Variants in PCDHA6 observed in about 807,000 individuals in gnomAD.
PCDHA6 encodes the protein protocadherin alpha 6.
Under a neutral mutation model 60.3 loss-of-function variants are expected in PCDHA6, and 55 were observed. That is an observed-to-expected ratio of 0.91 (90% CI 0.73 to 1.14). The LOEUF is 1.14. Ranked by LOEUF, PCDHA6 falls within the 50% of genes most tolerant of loss-of-function variation. PCDHA6 has a pLI of 0.00. For missense variants in PCDHA6, 1,327 were observed against 1,256.5 expected (o/e 1.06, Z -0.85); for synonymous variants, 652 against 557.9 (o/e 1.17, Z -2.38).
intron 1 of PCDHA6, among the ~76,000 whole-genome samples, chr5:140,920,731 C>G (rs2079790420): frequency 6.6e-6 from 1 of 151,924 alleles, no homozygotes; most frequent in African/African-American, 2.4e-5. Flanking sequence ...GCAGTCCCAG[C>G]TACTCAGGAG....
intron 1 of PCDHA6, among the ~76,000 whole-genome samples, chr5:140,881,170 T>C (rs1442098863): frequency 1.3e-5 from 2 of 152,246 alleles, no homozygotes; most frequent in Non-Finnish European, 1.5e-5. Flanking sequence ...CCTCTTCCTC[T>C]TTTCCTTGCT....
chr5:140,860,413 C>T (rs2046383451), intron 1 of PCDHA6: 1 of 152,018 alleles, frequency 6.6e-6, no homozygotes, highest in African/African-American at 2.4e-5. Context: ...AATAGTAACA[C>T]CATTATCCTG....
At chr5:140,890,902 G>A (rs781819787) in intron 1 of PCDHA6, among the ~76,000 whole-genome samples, 16 of 152,080 alleles carry the variant, frequency 1.1e-4, no homozygotes, top group Non-Finnish European at 1.5e-4. Context: ...GTCTTTCCAT[G>A]TTAGAATAAT....
chr5:140,968,083 G>A (rs1298667830), intron 1 of PCDHA6: 1 of 1,614,006 alleles, frequency 6.2e-7, no homozygotes, highest in Non-Finnish European at 8.5e-7. Flanking sequence ...ACATCACGGT[G>A]ACAGCCACAG....
rs782109045 is a variant in PCDHA6 at position 140,856,427 on chromosome 5, G to C, written c.2394+25942G>C. ...GGACGTGGAAGTGAAGGACATTAAC[G>C]ACAACCCGCCCAGGTTCTCCGTAAC... On this transcript the variant is annotated intron_variant, in intron 1 of 3. Transcript: ENST00000529310. 9 of 1,598,364 alleles carry C rather than the reference G, an allele frequency of 5.6e-6. 1 individual carries two copies. Among genetic ancestry groups the C allele is most frequent in the South Asian group, 1.1e-5 (1 of 90,520 alleles).
chr5:140,882,303 G>A, intron 1 of PCDHA6: 1 of 1,613,824 alleles, frequency 6.2e-7, no homozygotes. Context: ...CCAAGACCGC[G>A]GCAACTACTG....
chr5:140,859,869 C>T (rs2046062813), intron 1 of PCDHA6: 1 of 151,680 alleles, frequency 6.6e-6, no homozygotes, highest in South Asian at 2.1e-4. Flanking sequence ...TATATACTTC[C>T]CCCTCTGATA....
intron 1 of PCDHA6, chr5:140,929,690 C>T (rs921103809): frequency 1.4e-5 from 4 of 278,364 alleles, no homozygotes; most frequent in Non-Finnish European, 2.8e-5. Context: ...TAAGAGTCTG[C>T]TTTATATGAA....
chr5:140,898,147 C>T (rs2066556304), intron 1 of PCDHA6, among the ~76,000 whole-genome samples: 1 of 152,150 alleles, frequency 6.6e-6, no homozygotes, highest in African/African-American at 2.4e-5. Flanking sequence ...GTTGCCTGTT[C>T]ACGCTGATGG....
intron 1 of PCDHA6, chr5:140,852,024 C>T (rs1554145640): frequency 4.2e-6 from 4 of 949,416 alleles, no homozygotes; most frequent in East Asian, 1.1e-4. Flanking sequence ...TTAAAAACTT[C>T]GCTTATTGAG....
chr5:140,989,533 T>A (rs114286041), intron 3 of PCDHA6, among the ~76,000 whole-genome samples: 1 of 152,158 alleles, frequency 6.6e-6, no homozygotes, highest in Non-Finnish European at 1.5e-5. Context: ...AGGAGGAAGA[T>A]AGTTTGTAAT....
rs1299699078 is a variant in PCDHA6 at position 140,843,118 on chromosome 5, C to G, written c.2394+12633C>G. 1.7e-5 allele frequency: 27 copies of G among 1,595,720 alleles called. 3 individuals carry two copies. Among genetic ancestry groups the G allele is most frequent in the African/African-American group, 4.0e-5 (3 of 74,428 alleles). The stretch of plus-strand genomic sequence containing the variant: ...TAGCGAAGGTGCGCGCAGTGGACGC[C>G]GACTCGGGCTACAACGCGTGGCTTT... On this transcript the variant is annotated intron_variant, in intron 1 of 3. Transcript: ENST00000529310.
chr5:140,876,250 A>C (rs782111802), intron 1 of PCDHA6: 1 of 1,614,046 alleles, frequency 6.2e-7, no homozygotes. Context: ...AAACGACACA[A>C]GAGTGATCCA....
At chr5:140,896,599 A>G (rs1247154870) in intron 1 of PCDHA6, among the ~76,000 whole-genome samples, 1 of 151,478 alleles carries the variant, frequency 6.6e-6, no homozygotes, top group African/African-American at 2.4e-5. Context: ...CTGGTCTCGA[A>G]CTCCTGGTCT....
At chr5:140,870,014 A>G (rs782103858) in intron 1 of PCDHA6, 3 of 1,613,612 alleles carry the variant, frequency 1.9e-6, no homozygotes, top group Non-Finnish European at 2.5e-6. Flanking sequence ...GTGAGGGTCA[A>G]TGGAACTTTA....
intron 1 of PCDHA6, among the ~76,000 whole-genome samples, chr5:140,973,030 C>G (rs1274875201): frequency 1.3e-5 from 2 of 152,014 alleles, no homozygotes; most frequent in African/African-American, 4.8e-5. Context: ...TAATGAGTCA[C>G]TTTGAGTACT....
At chr5:140,876,337 G>T (rs1554168488) in intron 1 of PCDHA6, 1 of 1,614,016 alleles carries the variant, frequency 6.2e-7, no homozygotes, top group Admixed American at 1.7e-5. Flanking sequence ...GCCAGTGAGT[G>T]AGAAATGTAT....
chr5:140,913,103 G>A (rs2076206771), intron 1 of PCDHA6, among the ~76,000 whole-genome samples: 1 of 152,144 alleles, frequency 6.6e-6, no homozygotes, highest in Admixed American at 6.5e-5. Context: ...TGGCCTCATA[G>A]AATCAGTTTG....
At chr5:140,981,001 C>A (rs2096914160) in intron 2 of PCDHA6, among the ~76,000 whole-genome samples, 1 of 151,906 alleles carries the variant, frequency 6.6e-6, no homozygotes, top group Non-Finnish European at 1.5e-5. Flanking sequence ...CTAGTAGGAT[C>A]CAGGAACACT....
Sources: allele counts gnomAD v4.1 joint callset (sites outside exome capture counted in the v4.1 genomes callset), GRCh38; gene constraint gnomAD v4.1.1; transcripts MANE v1.5; gene names NCBI Gene and HGNC (gene_info 2026-07-23, HGNC 2026-07-21).